Variants in DHX58 observed in about 807,000 individuals in gnomAD.
The protein encoded by DHX58 is DExH-box helicase 58.
A neutral mutation model predicts 65.0 loss-of-function variants in DHX58; 51 were observed. The ratio of observed to expected loss-of-function variants is 0.78; its 90% confidence interval spans 0.63 to 0.99. The LOEUF (loss-of-function observed/expected upper bound fraction) is 0.99, where lower values mean the gene tolerates loss of function less well. DHX58 is among the 50% of genes least tolerant of loss of function. DHX58 has a pLI of 0.00. For missense variants in DHX58, 773 were observed against 891.8 expected (o/e 0.87, Z 1.70); for synonymous variants, 350 against 365.0 (o/e 0.96, Z 0.47).
chr17:42,103,356 T>C (rs1568001535), intron 12 of DHX58: 1 of 530,302 alleles, frequency 1.9e-6, no homozygotes, highest in East Asian at 3.4e-5. Context: ...TTTTGACACT[T>C]AGTATCCTGA....
chr17:42,107,734 G>T lies in DHX58; in HGVS notation c.867C>A (p.Asp289Glu). ...VYALHLRRYN[D>E]ALLIHDTVRA... ...GGACGGTGTCATGGATGAGCAGCGCGTCATTGTAGCGCCTCAGGTGAAGCG... is the reference window on the plus strand; with the variant it reads ...GGACGGTGTCATGGATGAGCAGCGCTTCATTGTAGCGCCTCAGGTGAAGCG... Residue 289 changes from aspartate (D) to glutamate (E), a missense_variant, in exon 8 of 14, where the codon GAC (aspartate) becomes GAA (glutamate). Transcript: ENST00000251642. 7 of 1,606,198 alleles carry T rather than the reference G, an allele frequency of 4.4e-6. No individual in the cohort carries two copies. Among genetic ancestry groups the T allele is most frequent in the Non-Finnish European group, 6.0e-6 (7 of 1,176,226 alleles).
Position 42,110,710 on chromosome 17 carries a change from G to A in DHX58, c.561+13C>T, listed in dbSNP as rs782028992. ...GGGTCTGGCAGTGGGAGGCCCACAG[G>A]GGCCAGGCTGACCTGCAGGACGTGG... On this transcript the variant is annotated intron_variant, in intron 5 of 13. Coordinates refer to ENST00000251642, the MANE Select transcript of DHX58 (RefSeq NM_024119.3). 9 of 1,582,060 alleles carry A rather than the reference G, an allele frequency of 5.7e-6. No homozygotes were observed. The Admixed American group carries it at 1.6e-4, about 28-fold the overall frequency.
Position 42,102,199 on chromosome 17 carries a change from G to T in DHX58, c.1851+17C>A. 1 of 1,613,458 alleles carries T rather than the reference G, an allele frequency of 6.2e-7. No individual in the cohort carries two copies. Among genetic ancestry groups the T allele is most frequent in the South Asian group, 1.1e-5 (1 of 91,066 alleles). ...GGCTGAGGACTCTGGGGCCTGGGAC[G>T]TGGCCTAAGCTCTTACCTCCCCACA... is the stretch of plus-strand genomic sequence containing the variant. On this transcript the variant is annotated intron_variant, in intron 13 of 13. Transcript: ENST00000251642.
In DHX58 at chr17:42,101,779, C is replaced by A. The variant is rs782605235; in HGVS notation, c.2019G>T (p.Ser673=). The A allele has an allele frequency of 6.2e-7, 1 of 1,614,150 alleles. No individual in the cohort carries two copies. Among genetic ancestry groups the A allele is most frequent in the Non-Finnish European group, 8.5e-7 (1 of 1,180,038 alleles). Reference sequence around the variant, plus strand: ...GAGGTGGTCAGTCCAGGGAGAGGTCCGACAAGTTCTCGGCACAATGCTGCA... The same window carrying A: ...GAGGTGGTCAGTCCAGGGAGAGGTCAGACAAGTTCTCGGCACAATGCTGCA... ...DFLQHCAENL[S]DLSLD Residue 673 remains serine, a synonymous_variant, in exon 14 of 14, where the codon TCG becomes TCT. Transcript: ENST00000251642.
chr17:42,106,097 T>A, intron 8 of DHX58, 108 bp from the exon 9 acceptor site: 3 of 1,196,334 alleles, frequency 2.5e-6, no homozygotes, highest in Non-Finnish European at 3.5e-6. Context: ...AGGTCAAGGC[T>A]GAAGAGAGCT....
In DHX58 at chr17:42,112,193, A is replaced by C. The variant is rs1598223979; in HGVS notation, c.-82T>G. On this transcript the variant is annotated 5_prime_UTR_variant, in exon 2 of 14. Transcript: ENST00000251642. ...ACTCTGCTCAGCTCAGAGACCCAAG[A>C]TGGAAACTGAAACTGAGGGAAGGAG... The C allele has an allele frequency of 3.7e-6, 1 of 269,748 alleles. No individual in the cohort carries two copies. Among genetic ancestry groups the C allele is most frequent in the East Asian group, 6.7e-5 (1 of 15,018 alleles). The allele number at this position is 269,748 out of a possible 1,614,324, so 16.7% of individuals were successfully genotyped here.
intron 8 of DHX58, among the ~76,000 whole-genome samples, chr17:42,107,367 TAA>T (rs1555662926): frequency 3.6e-5 from 5 of 139,992 alleles, no homozygotes; most frequent in African/African-American, 5.1e-5. Context: ...CCCCGACTAT[TAA>T]AAAAAAAAAA....
rs782105599 is a variant in DHX58 at position 42,108,114 on chromosome 17, C to T, written c.679-6G>A. 6.2e-7 allele frequency: 1 copy of T among 1,614,208 alleles called. No individual in the cohort carries two copies. Among genetic ancestry groups the T allele is most frequent in the Non-Finnish European group, 8.5e-7 (1 of 1,180,040 alleles). On this transcript the variant is annotated splice_polypyrimidine_tract_variant and splice_region_variant and intron_variant, in intron 6 of 13. Transcript: ENST00000251642. Reference sequence around the variant, plus strand: ...AGCAAGTCCCCAAACGGATCCTGAGCAAGAGGAGAGTTGGAGGGGATTCCC... The same window carrying T: ...AGCAAGTCCCCAAACGGATCCTGAGTAAGAGGAGAGTTGGAGGGGATTCCC...
chr17:42,110,799 TG>T lies in DHX58; in HGVS notation c.484del (p.Gln162ArgfsTer72), dbSNP rs1555663936. The T allele has an allele frequency of 6.2e-7, 1 of 1,613,860 alleles. No homozygotes were observed. Among genetic ancestry groups the T allele is most frequent in the Non-Finnish European group, 8.5e-7 (1 of 1,179,878 alleles). ...LKLQRAQPLP[Q>X]VLGLTASPGT... ...TGGGGAGGCTGTGAGACCCAGCACC[TG>T]GGGTAGCGGCTGTGCCCTCTGGAGT... On this transcript the variant is annotated frameshift_variant, in exon 5 of 14. Transcript: ENST00000251642. LOFTEE classifies it high-confidence loss of function.
chr17:42,107,846 C>T (rs761178367), intron 7 of DHX58, 51 bp from the exon 8 acceptor site: 258 of 1,537,154 alleles, frequency 1.7e-4, no homozygotes, highest in Non-Finnish European at 1.4e-4. Flanking sequence ...CGCCCCCTGC[C>T]CTGCCCCATA....
chr17:42,103,266 T>C, intron 12 of DHX58: 1 of 318,922 alleles, frequency 3.1e-6, no homozygotes, highest in Non-Finnish European at 5.8e-6. Context: ...TAGGAGATAG[T>C]GGATGGAGGA....
chr17:42,104,606 C>T (rs1463316244), intron 11 of DHX58, among the ~76,000 whole-genome samples, 160 bp downstream of exon 11: 3 of 152,184 alleles, frequency 2.0e-5, no homozygotes, highest in Admixed American at 1.3e-4. Flanking sequence ...CCTTCCCTGG[C>T]AGCCCCACCC....
rs1468006562 is a variant in DHX58, at chr17:42,109,148, G to T, written c.678+122C>A. 6 of 759,042 alleles carry T rather than the reference G, an allele frequency of 7.9e-6. No homozygotes were observed. In the Admixed American group the frequency reaches 1.2e-4, roughly 15 times the overall value. The allele number at this position is 759,042 out of a possible 1,614,324, so 47.0% of individuals were successfully genotyped here. On this transcript the variant is annotated intron_variant, in intron 6 of 13. Coordinates refer to ENST00000251642, the MANE Select transcript of DHX58 (RefSeq NM_024119.3). The stretch of plus-strand genomic sequence containing the variant: ...CATTTCACAGAAAGGAGAAATTGAG[G>T]CTTGGATACATAGCAAGTGACCTGA...
chr17:42,105,308 T>C (rs2054039014), intron 9 of DHX58, 141 bp from the exon 10 acceptor site: 1 of 1,153,704 alleles, frequency 8.7e-7, no homozygotes, highest in Non-Finnish European at 1.2e-6. Context: ...AATCCCATCT[T>C]TATCCCCAGG....
intron 8 of DHX58, among the ~76,000 whole-genome samples, chr17:42,106,224 G>A (rs2054057170): frequency 6.7e-6 from 1 of 149,490 alleles, no homozygotes; most frequent in African/African-American, 2.5e-5. Context: ...AGGAAAGAAA[G>A]GGAGGGAGGG....
At chr17:42,106,692 C>G (rs576451808) in intron 8 of DHX58, among the ~76,000 whole-genome samples, 2 of 124,602 alleles carry the variant, frequency 1.6e-5, no homozygotes, top group Non-Finnish European at 3.3e-5. Flanking sequence ...CCCAGCTACT[C>G]GGGAGGCTGA....
chr17:42,104,626 T>C, intron 11 of DHX58, 140 bp downstream of exon 11: 1 of 1,170,262 alleles, frequency 8.5e-7, no homozygotes, highest in South Asian at 1.6e-5. Flanking sequence ...CCGGCCCTTA[T>C]TTAAACCTTC....
At position 42,111,286 on chromosome 17, in the gene DHX58, T is replaced by C. The variant is rs371519772; in HGVS notation, c.370+10A>G. 7.1e-5 allele frequency: 114 copies of C among 1,607,058 alleles called. No homozygotes were observed. In the South Asian group the frequency reaches 1.0e-3, roughly 14 times the overall value. On this transcript the variant is annotated intron_variant, in intron 4 of 13. Coordinates refer to ENST00000251642, the MANE Select transcript of DHX58 (RefSeq NM_024119.3). ...ATGCGTATCTTTTTCCTCCCGGCCA[T>C]GGCCCTCACCAGTGAGCTCCACGTG...
rs2054035534 is a variant in DHX58, at chr17:42,105,099, C to T, written c.1320G>A (p.Val440=). The change falls in exon 10 of 14, where the codon GTG becomes GTA. Residue 440 remains valine (V), a synonymous_variant. Coordinates refer to ENST00000251642, the MANE Select transcript of DHX58 (RefSeq NM_024119.3). ...GTLNLLVATS[V]AEEGLDIPHC... is the part of the protein sequence containing the mutation. ...GTGGGATGTCCAGCCCCTCCTCCGC[C>T]ACACTCGTGGCCACCAGAAGGTTCA... is the stretch of plus-strand genomic sequence containing the variant. 6.2e-7 allele frequency: 1 copy of T among 1,614,012 alleles called. No individual in the cohort carries two copies. Among genetic ancestry groups the T allele is most frequent in the African/African-American group, 1.3e-5 (1 of 75,042 alleles).
Sources: gnomAD v4.1 joint callset for allele counts (sites outside exome capture counted in the v4.1 genomes callset) on GRCh38, gnomAD v4.1.1 for gene constraint, MANE v1.5 for transcripts, NCBI Gene and HGNC (gene_info 2026-07-23, HGNC 2026-07-21) for gene names.